ROBO1: variants seen among roughly 807,000 people sequenced by gnomAD.
ROBO1 encodes the protein roundabout homolog 1.
In ROBO1, 149 loss-of-function variants were observed where a neutral mutation model predicts 195.9. The ratio of observed to expected loss-of-function variants is 0.76; its 90% CI spans 0.67 to 0.87. The LOEUF is 0.87. Among genes scored for constraint, ROBO1 ranks in the 40% least tolerant of loss-of-function variants. ROBO1 has a pLI of 0.00. For synonymous variants in ROBO1, 816 were observed against 733.2 expected (o/e 1.11, Z -1.82); for missense variants, 1,933 against 2,068.3 (o/e 0.93, Z 1.27).
intron 2 of ROBO1, among the ~76,000 whole-genome samples, chr3:79,369,684 T>A (rs1261639936): frequency 6.6e-6 from 1 of 152,128 alleles, no homozygotes; most frequent in Non-Finnish European, 1.5e-5. Flanking sequence ...CTTTCTTTTT[T>A]TTTTTTCTTT....
chr3:79,399,319 T>A lies in ROBO1; in HGVS notation c.88+190505A>T, dbSNP rs189793356. Among the ~76,000 whole-genome samples, 6 of 152,248 alleles carry A rather than the reference T, an allele frequency of 3.9e-5. No homozygotes were observed. In the East Asian group the frequency reaches 1.2e-3, roughly 29 times the overall value. On this transcript the variant is annotated intron_variant, in intron 2 of 30. Coordinates refer to ENST00000464233, the MANE Select transcript of ROBO1 (RefSeq NM_002941.4). ...AGATTAAAATCTCAATCCCTTATATTGGTCTATAAGGCCCTACGTGACCGG... is the reference window on the plus strand; with the variant it reads ...AGATTAAAATCTCAATCCCTTATATAGGTCTATAAGGCCCTACGTGACCGG...
intron 2 of ROBO1, among the ~76,000 whole-genome samples, chr3:79,216,274 G>A (rs1448851504): frequency 6.6e-6 from 1 of 151,998 alleles, no homozygotes; most frequent in Non-Finnish European, 1.5e-5. Flanking sequence ...TATCTGAGGG[G>A]CAATTTAGAT....
In ROBO1 at chr3:78,635,814, G is replaced by A; in HGVS notation, c.3332C>T (p.Pro1111Leu). The change falls in exon 23 of 31, where the codon CCA becomes CTA. Residue 1111 changes from proline to leucine, a missense_variant. Around this residue, in one of 3 missense-constraint regions of ROBO1, gnomAD observed 1,737 missense variants for 1,882.5 expected, o/e 0.92. Transcript: ENST00000464233. ...PLGQQKQEVAPVQYNIVEQNK... is the reference protein window; with the variant it reads ...PLGQQKQEVALVQYNIVEQNK... ...TTGCTCCACGATGTTGTACTGAACT[G>A]GTGCCACTTCTTGTTTCTGCTGTCC... The A allele has an allele frequency of 6.2e-7, 1 of 1,613,816 alleles. No homozygotes were observed. Among genetic ancestry groups the A allele is most frequent in the South Asian group, 1.1e-5 (1 of 91,080 alleles).
At chr3:79,264,550 C>G (rs1243936703) in intron 2 of ROBO1, among the ~76,000 whole-genome samples, 1 of 151,876 alleles carries the variant, frequency 6.6e-6, no homozygotes, top group Non-Finnish European at 1.5e-5. Context: ...TTTGTCTTTT[C>G]ATTTAGCATT....
At chr3:79,558,934 C>G (rs971590359) in intron 2 of ROBO1, among the ~76,000 whole-genome samples, 1 of 151,988 alleles carries the variant, frequency 6.6e-6, no homozygotes, top group South Asian at 2.1e-4. Flanking sequence ...CATGAATATA[C>G]CAAATAAATA....
chr3:79,222,688 TA>T (rs2082161274), intron 2 of ROBO1, among the ~76,000 whole-genome samples: 1 of 152,050 alleles, frequency 6.6e-6, no homozygotes, highest in African/African-American at 2.4e-5. Context: ...TAGATTTTTT[TA>T]AATGTTGAGC....
intron 2 of ROBO1, among the ~76,000 whole-genome samples, chr3:79,433,651 C>T (rs1337309094): frequency 5.3e-5 from 8 of 152,100 alleles, no homozygotes. Context: ...GATTCAATGC[C>T]ATCCCCATCA....
At chr3:79,448,942 G>A (rs2039357406) in intron 2 of ROBO1, among the ~76,000 whole-genome samples, 1 of 152,034 alleles carries the variant, frequency 6.6e-6, no homozygotes, top group Non-Finnish European at 1.5e-5. Flanking sequence ...CCAAGATTCA[G>A]TAACTGGCCA....
At chr3:79,011,371 G>A (rs139811430) in intron 3 of ROBO1, among the ~76,000 whole-genome samples, 52 of 152,210 alleles carry the variant, frequency 3.4e-4, no homozygotes, top group African/African-American at 1.1e-3. Context: ...AGAAAATCAC[G>A]TGCTAAACAA....
intron 4 of ROBO1, among the ~76,000 whole-genome samples, chr3:78,791,164 T>A (rs2084007864): frequency 6.6e-6 from 1 of 152,192 alleles, no homozygotes; most frequent in Admixed American, 6.5e-5. Flanking sequence ...TCTACTTCTC[T>A]ACTTTTTTGG....
In ROBO1 at chr3:79,481,830, CCTTTT is replaced by C. The variant is rs1436229828; in HGVS notation, c.88+107989_88+107993del. ...AACTTAAAAGGAATGTGCTATATTG[CCTTTT>C]CTTTTATTAATATGAAAATATGGAC... On this transcript the variant is annotated intron_variant, in intron 2 of 30. Transcript: ENST00000464233. 3.3e-5 allele frequency among the ~76,000 whole-genome samples: 5 copies of C among 151,974 alleles called. No individual in the cohort carries two copies. The South Asian group carries it at 6.3e-4, about 19-fold the overall frequency.
At chr3:79,534,863 T>A (rs1015778250) in intron 2 of ROBO1, among the ~76,000 whole-genome samples, 13 of 152,138 alleles carry the variant, frequency 8.5e-5, no homozygotes, top group African/African-American at 3.1e-4. Flanking sequence ...CAGGGCTTCT[T>A]ATTCTCCCTG....
At chr3:79,483,863 A>G (rs187053329) in intron 2 of ROBO1, among the ~76,000 whole-genome samples, 297 of 152,106 alleles carry the variant, frequency 2.0e-3, no homozygotes, top group Non-Finnish European at 3.4e-3. Flanking sequence ...AGAAATCTCT[A>G]ATATGGGAGC....
intron 2 of ROBO1, among the ~76,000 whole-genome samples, chr3:79,539,270 C>T (rs1272726919): frequency 1.3e-5 from 2 of 152,070 alleles, no homozygotes; most frequent in South Asian, 4.1e-4. Context: ...ATGGGATACT[C>T]CTTAATACTT....
At chr3:78,724,390 T>C (rs113871876) in intron 5 of ROBO1, among the ~76,000 whole-genome samples, 54 of 151,688 alleles carry the variant, frequency 3.6e-4, no homozygotes, top group Non-Finnish European at 5.5e-4. Flanking sequence ...ACAATCAACA[T>C]TTTGGTCAGG....
At chr3:79,211,834 G>GACAC (rs930314986) in intron 2 of ROBO1, among the ~76,000 whole-genome samples, 3 of 152,004 alleles carry the variant, frequency 2.0e-5, no homozygotes, top group African/African-American at 7.2e-5. Flanking sequence ...AGGAATTAAA[G>GACAC]ACACACACAC....
At chr3:79,387,191 G>A (rs2036782140) in intron 2 of ROBO1, among the ~76,000 whole-genome samples, 1 of 152,074 alleles carries the variant, frequency 6.6e-6, no homozygotes, top group Non-Finnish European at 1.5e-5. Flanking sequence ...GCATGTGCAT[G>A]AAAAGATTCT....
intron 4 of ROBO1, among the ~76,000 whole-genome samples, chr3:78,879,034 C>T (rs1239540189): frequency 6.6e-6 from 1 of 152,204 alleles, no homozygotes; most frequent in East Asian, 1.9e-4. Flanking sequence ...AACTTGTTCA[C>T]TGTCTTGCTC....
chr3:79,687,061 C>T (rs952071693), intron 1 of ROBO1, among the ~76,000 whole-genome samples: 5 of 152,074 alleles, frequency 3.3e-5, no homozygotes, highest in East Asian at 1.9e-4. Context: ...GAAATAATGC[C>T]GCTTATCTAC....
Sources: gnomAD v4.1 joint callset for allele counts (sites outside exome capture counted in the v4.1 genomes callset) on GRCh38, gnomAD v4.1.1 for gene constraint, gnomAD v4.1.1 regional missense constraint, MANE v1.5 for transcripts, NCBI Gene and HGNC (gene_info 2026-07-23, HGNC 2026-07-21) for gene names.